RPS6KA5: variants seen among roughly 807,000 people sequenced by gnomAD.
RPS6KA5 encodes the protein ribosomal protein S6 kinase alpha-5.
A neutral mutation model predicts 85.5 loss-of-function variants in RPS6KA5; 27 were observed. The ratio of observed to expected loss-of-function variants is 0.32; its 90% CI spans 0.23 to 0.44. The LOEUF is 0.44. Ranked by LOEUF, RPS6KA5 falls within the 20% of genes least tolerant of loss-of-function variation. The pLI, the probability that RPS6KA5 is intolerant of heterozygous loss-of-function variation, is 1.00. For synonymous variants in RPS6KA5, 334 were observed against 348.2 expected (o/e 0.96, Z 0.46); for missense variants, 811 against 980.9 (o/e 0.83, Z 2.31).
intron 1 of RPS6KA5, among the ~76,000 whole-genome samples, chr14:91,019,281 T>C (rs1358037717): frequency 6.6e-6 from 1 of 152,156 alleles, no homozygotes; most frequent in Non-Finnish European, 1.5e-5. Flanking sequence ...TGGATGAGAT[T>C]AACATTTAAA....
chr14:91,056,948 C>T (rs1205226975), intron 1 of RPS6KA5, among the ~76,000 whole-genome samples: 6 of 122,434 alleles, frequency 4.9e-5, no homozygotes, highest in Admixed American at 2.2e-4. Flanking sequence ...GGCATGATCT[C>T]GGCTCACTGC....
At chr14:91,007,564 A>C (rs1297860748) in intron 1 of RPS6KA5, among the ~76,000 whole-genome samples, 1 of 152,186 alleles carries the variant, frequency 6.6e-6, no homozygotes, top group Non-Finnish European at 1.5e-5. Flanking sequence ...AAGAGGTGTA[A>C]ATAGTTTTAA....
At chr14:90,881,939 T>C (rs1213966635) in intron 14 of RPS6KA5, among the ~76,000 whole-genome samples, 2 of 152,238 alleles carry the variant, frequency 1.3e-5, no homozygotes, top group African/African-American at 2.4e-5. Flanking sequence ...ATTATGCCAA[T>C]CTTTGACCTT....
chr14:90,872,434 T>C (rs2033181539), intron 16 of RPS6KA5, 112 bp from the exon 17 acceptor site: 8 of 1,334,372 alleles, frequency 6.0e-6, no homozygotes, highest in Non-Finnish European at 8.0e-6. Flanking sequence ...AGCCCCAAGT[T>C]GTTTTAAGGG....
At chr14:91,009,597 C>G (rs1013060636) in intron 1 of RPS6KA5, among the ~76,000 whole-genome samples, 1 of 152,200 alleles carries the variant, frequency 6.6e-6, no homozygotes, top group South Asian at 2.1e-4. Context: ...AGCCCTATAT[C>G]TAAAGCATAA....
In RPS6KA5 at chr14:90,855,827, T is replaced by C. The variant is rs1046105148; in HGVS notation, c.*16247A>G. Reference sequence around the variant, plus strand: ...TTTCACCGTGTTAGCCAGGATGGTCTCGATCTCCTGACCTCGTGATCCGCC... The same window carrying C: ...TTTCACCGTGTTAGCCAGGATGGTCCCGATCTCCTGACCTCGTGATCCGCC... On this transcript the variant is annotated 3_prime_UTR_variant, in exon 17 of 17. Coordinates refer to ENST00000614987, the MANE Select transcript of RPS6KA5 (RefSeq NM_004755.4). 3 of 152,148 alleles carry C rather than the reference T, an allele frequency of 2.0e-5. No individual in the cohort carries two copies. Among genetic ancestry groups the C allele is most frequent in the African/African-American group, 7.2e-5 (3 of 41,400 alleles). The allele number at this position is 152,148 out of a possible 1,614,324, so 9.4% of individuals were successfully genotyped here.
intron 4 of RPS6KA5, among the ~76,000 whole-genome samples, chr14:90,944,458 T>A (rs1401711534): frequency 1.3e-5 from 2 of 149,826 alleles, no homozygotes; most frequent in South Asian, 4.2e-4. Flanking sequence ...CTACAAAAAA[T>A]TTTAAAAATT....
At chr14:91,052,694 G>A (rs113268144) in intron 1 of RPS6KA5, among the ~76,000 whole-genome samples, 13 of 149,770 alleles carry the variant, frequency 8.7e-5, no homozygotes, top group Admixed American at 6.0e-4. Context: ...TTAGCTGGGC[G>A]TGGTGGCAGG....
At chr14:90,937,342 T>G (rs1334318081) in intron 5 of RPS6KA5, among the ~76,000 whole-genome samples, 2 of 152,016 alleles carry the variant, frequency 1.3e-5, no homozygotes, top group African/African-American at 4.8e-5. Flanking sequence ...TGTGAGTAAG[T>G]AGAGACAAAT....
chr14:90,878,705 C>T (rs954858992), intron 14 of RPS6KA5, among the ~76,000 whole-genome samples: 2 of 152,214 alleles, frequency 1.3e-5, no homozygotes, highest in Admixed American at 6.5e-5. Flanking sequence ...AAACATCCTC[C>T]TCTAAAAGAC....
intron 1 of RPS6KA5, among the ~76,000 whole-genome samples, chr14:91,047,063 A>AG (rs1284517515): frequency 2.7e-5 from 4 of 148,804 alleles, no homozygotes; most frequent in Non-Finnish European, 6.0e-5. Flanking sequence ...AAAAAAAAAA[A>AG]GAAGAAGAAG....
chr14:90,987,495 A>G (rs1305297891), intron 2 of RPS6KA5, among the ~76,000 whole-genome samples: 1 of 152,216 alleles, frequency 6.6e-6, no homozygotes, highest in Non-Finnish European at 1.5e-5. Flanking sequence ...TGTAGTAAAA[A>G]AAAGATTGGA....
chr14:91,039,346 G>A (rs560421393), intron 1 of RPS6KA5, among the ~76,000 whole-genome samples: 1 of 152,182 alleles, frequency 6.6e-6, no homozygotes, highest in East Asian at 1.9e-4. Context: ...AAAGCGATTT[G>A]GAAGGTAATC....
At chr14:90,943,914 G>A (rs1452311795) in intron 4 of RPS6KA5, among the ~76,000 whole-genome samples, 2 of 152,042 alleles carry the variant, frequency 1.3e-5, no homozygotes, top group Non-Finnish European at 2.9e-5. Flanking sequence ...GTGCAGTGGC[G>A]TGGTCCTAGC....
At chr14:91,043,031 C>T (rs898048205) in intron 1 of RPS6KA5, among the ~76,000 whole-genome samples, 5 of 152,010 alleles carry the variant, frequency 3.3e-5, no homozygotes, top group Non-Finnish European at 7.4e-5. Context: ...CATTCCAATC[C>T]GGCTTCTCCC....
chr14:91,036,933 G>A (rs959879571), intron 1 of RPS6KA5, among the ~76,000 whole-genome samples: 3 of 152,176 alleles, frequency 2.0e-5, no homozygotes, highest in Non-Finnish European at 4.4e-5. Context: ...TGCACAGTGA[G>A]CATGCTCAAG....
At chr14:90,948,159 A>T (rs2140371148) in intron 3 of RPS6KA5, among the ~76,000 whole-genome samples, 1 of 152,402 alleles carries the variant, frequency 6.6e-6, no homozygotes, top group South Asian at 2.1e-4. Context: ...GGGGATAATG[A>T]AATAGGTGAC....
Position 90,867,654 on chromosome 14 carries a change from T to G in RPS6KA5, c.*4420A>C, listed in dbSNP as rs2140123340. The G allele has an allele frequency of 6.6e-6, 1 of 152,304 alleles. No individual in the cohort carries two copies. The highest frequency in any genetic ancestry group is 2.1e-4 in the South Asian group (1 of 4,828). 9.4% of individuals were successfully genotyped at this position (152,304 alleles called of 1,614,324 possible). On this transcript the variant is annotated 3_prime_UTR_variant, in exon 17 of 17. Transcript: ENST00000614987. ...TCTTGTCTTTTAATACAAGTCTCCT[T>G]CTAGACACAAAATCCTAGCTTTTTG...
intron 1 of RPS6KA5, among the ~76,000 whole-genome samples, chr14:91,050,993 C>G (rs1186064831): frequency 6.6e-6 from 1 of 151,786 alleles, no homozygotes; most frequent in East Asian, 1.9e-4. Context: ...TTTGGGAGGT[C>G]GAGGCAGGTG....
Sources: gnomAD v4.1 joint callset for allele counts (sites outside exome capture counted in the v4.1 genomes callset) on GRCh38, gnomAD v4.1.1 for gene constraint, MANE v1.5 for transcripts, NCBI Gene and HGNC (gene_info 2026-07-23, HGNC 2026-07-21) for gene names.